The following WASF3 variants were observed in gnomAD, a reference collection of about 807,000 sequenced individuals.
The protein encoded by WASF3 is WASP family member 3.
WASF3 carries 11 observed loss-of-function variants against 46.6 expected under a neutral mutation model. That is an observed-to-expected ratio of 0.24 (90% CI 0.15 to 0.39). The LOEUF (loss-of-function observed/expected upper bound fraction) is 0.39. Among genes scored for constraint, WASF3 ranks in the 10% least tolerant of loss-of-function variants. The pLI, the probability that WASF3 is intolerant of heterozygous loss-of-function variation, is 1.00. For missense variants in WASF3, 576 were observed against 669.8 expected, an observed-to-expected ratio of 0.86 and a Z score of 1.55; for synonymous variants, 242 against 259.7, an observed-to-expected ratio of 0.93 and a Z score of 0.65.
In WASF3 at chr13:26,681,300, G is replaced by C; in HGVS notation, c.963G>C (p.Pro321=). The C allele has an allele frequency of 6.2e-7, 1 of 1,600,602 alleles. No individual in the cohort carries two copies. ...CAGAGGGGTCCCAGGCCTCTGCACCGATGGCTCCAGCAGACTACGGGTAAC... is the reference window on the plus strand; with the variant it reads ...CAGAGGGGTCCCAGGCCTCTGCACCCATGGCTCCAGCAGACTACGGGTAAC... The part of the protein sequence containing the change: ...QAPEGSQASA[P]MAPADYGMLP... The change falls in exon 8 of 10, where the codon CCG becomes CCC. Residue 321 remains proline, a synonymous_variant. Coordinates refer to ENST00000335327, the MANE Select transcript of WASF3 (RefSeq NM_006646.6).
chr13:26,554,072 C>CTTTCT, upstream of WASF3, among the ~76,000 whole-genome samples: 1 of 85,334 alleles, frequency 1.2e-5, no homozygotes, highest in African/African-American at 5.0e-5. Context: ...TCCTTCCTTC[C>CTTTCT]TTCCTTCCTT....
At chr13:26,558,366 C>T (rs1879171154) in intron 1 of WASF3, among the ~76,000 whole-genome samples, 1 of 152,182 alleles carries the variant, frequency 6.6e-6, no homozygotes, top group African/African-American at 2.4e-5. Flanking sequence ...TGCGGGCGTC[C>T]TCTCCCTCGA....
chr13:26,675,636 C>T (rs182877193), intron 6 of WASF3, among the ~76,000 whole-genome samples: 7 of 94,002 alleles, frequency 7.4e-5, no homozygotes, highest in African/African-American at 3.0e-4. Context: ...GCTCCATGAG[C>T]ACAGATGCCA....
chr13:26,555,096 T>A (rs1295314541), upstream of WASF3, among the ~76,000 whole-genome samples: 1 of 152,206 alleles, frequency 6.6e-6, no homozygotes, highest in Non-Finnish European at 1.5e-5. Flanking sequence ...ATTTTAGCCA[T>A]CCTAGTAGGT....
upstream of WASF3, among the ~76,000 whole-genome samples, chr13:26,553,629 A>G (rs1470427666): frequency 6.6e-6 from 1 of 151,978 alleles, no homozygotes; most frequent in African/African-American, 2.4e-5. Context: ...CATCCTGGCT[A>G]ACACAGTGAA....
intron 2 of WASF3, among the ~76,000 whole-genome samples, chr13:26,622,026 G>A (rs1249375242): frequency 2.0e-5 from 3 of 152,100 alleles, no homozygotes; most frequent in Admixed American, 2.0e-4. Context: ...CTTTCATTCC[G>A]AGGGCAAAAC....
In WASF3 at chr13:26,624,444, G is replaced by A. The variant is rs147316306; in HGVS notation, c.-11+11386G>A. The stretch of plus-strand genomic sequence containing the variant: ...GGGGAAGGGGAGGGATGACAAAACC[G>A]AGCATCTAAGAACTATGGAACAGTA... On this transcript the variant is annotated intron_variant, in intron 2 of 9. Coordinates refer to ENST00000335327, the MANE Select transcript of WASF3 (RefSeq NM_006646.6). Among the ~76,000 whole-genome samples the A allele has an allele frequency of 2.8e-4, 42 of 152,176 alleles. No homozygotes were observed. In the East Asian group the frequency reaches 6.2e-3, roughly 22 times the overall value.
At chr13:26,554,305 G>T (rs4769503), upstream of WASF3, among the ~76,000 whole-genome samples, 125,552 of 151,446 alleles carry the variant, frequency 0.83, 52,101 homozygotes, top group East Asian at 0.9. Flanking sequence ...AATTCTTTTA[G>T]TTTTTGCAAA....
chr13:26,648,782 A>G (rs980576502), intron 3 of WASF3, among the ~76,000 whole-genome samples: 1 of 152,188 alleles, frequency 6.6e-6, no homozygotes, highest in Non-Finnish European at 1.5e-5. Flanking sequence ...AGTAATGTAT[A>G]CTTAGGAAAC....
At chr13:26,606,136 G>A (rs74040623) in intron 1 of WASF3, among the ~76,000 whole-genome samples, 1 of 152,074 alleles carries the variant, frequency 6.6e-6, no homozygotes, top group Non-Finnish European at 1.5e-5. Context: ...CTTCCCATGG[G>A]TTAGCTCATT....
Position 26,682,590 on chromosome 13 carries a change from C to T in WASF3, c.984-17C>T, listed in dbSNP as rs1257485638. 2 of 1,613,990 alleles carry T rather than the reference C, an allele frequency of 1.2e-6. 1 individual carries two copies. The highest frequency in any genetic ancestry group is 2.2e-5 in the South Asian group (2 of 91,064). ...CTCTTGTTCCCTTGGTGACTATGTG[C>T]CTCATATCTCTCTCAGGATGCTCCC... On this transcript the variant is annotated splice_polypyrimidine_tract_variant and intron_variant, in intron 8 of 9. Coordinates refer to ENST00000335327, the MANE Select transcript of WASF3 (RefSeq NM_006646.6). This position sits in a 1 kb window ranked among gnomAD's most constrained non-coding sequence, Gnocchi z 4.4.
chr13:26,683,947 C>G (rs1472995124), intron 9 of WASF3, among the ~76,000 whole-genome samples: 2 of 152,212 alleles, frequency 1.3e-5, no homozygotes, highest in African/African-American at 4.8e-5. Flanking sequence ...CCAAGAGCTT[C>G]TCGCCTGTGG....
At chr13:26,650,893 A>G (rs975760184) in intron 3 of WASF3, among the ~76,000 whole-genome samples, 2 of 152,228 alleles carry the variant, frequency 1.3e-5, no homozygotes, top group Admixed American at 6.5e-5. Flanking sequence ...ATATGGGACC[A>G]TATCAAATCG....
intron 3 of WASF3, among the ~76,000 whole-genome samples, chr13:26,656,515 T>C (rs1349875411): frequency 6.6e-6 from 1 of 152,112 alleles, no homozygotes; most frequent in Non-Finnish European, 1.5e-5. Flanking sequence ...TGACCCCATA[T>C]TACTAACAAT....
chr13:26,660,164 C>G (rs538138726), intron 3 of WASF3, among the ~76,000 whole-genome samples: 13 of 132,724 alleles, frequency 9.8e-5, no homozygotes, highest in Middle Eastern at 5.6e-3. Flanking sequence ...GGTTTAGAAG[C>G]AGAAGTAATT....
upstream of WASF3, among the ~76,000 whole-genome samples, chr13:26,552,744 C>T (rs771194756): frequency 6.6e-6 from 1 of 152,066 alleles, no homozygotes; most frequent in African/African-American, 2.4e-5. Flanking sequence ...CTTTCTCTTC[C>T]GCAAAGTGAG....
At chr13:26,605,560 A>G (rs573494148) in intron 1 of WASF3, among the ~76,000 whole-genome samples, 4 of 152,276 alleles carry the variant, frequency 2.6e-5, no homozygotes, top group South Asian at 2.1e-4. Flanking sequence ...AGTGTTGTCT[A>G]TGTGCCAAGT....
chr13:26,544,717 G>A, the WASF3 span, among the ~76,000 whole-genome samples: 1 of 152,222 alleles, frequency 6.6e-6, no homozygotes, highest in Non-Finnish European at 1.5e-5. Flanking sequence ...AGCATCCCGA[G>A]TCTGTTTGGT....
At chr13:26,657,079 C>T (rs954511809) in intron 3 of WASF3, among the ~76,000 whole-genome samples, 1 of 152,070 alleles carries the variant, frequency 6.6e-6, no homozygotes, top group East Asian at 1.9e-4. Flanking sequence ...GAATTACGAC[C>T]AGAAGGGGGA....
Sources: gnomAD v4.1 joint callset for allele counts (sites outside exome capture counted in the v4.1 genomes callset) on GRCh38, gnomAD v4.1.1 for gene constraint, Gnocchi (gnomAD v3.1) non-coding constraint, MANE v1.5 for transcripts, NCBI Gene and HGNC (gene_info 2026-07-23, HGNC 2026-07-21) for gene names.